The following PCDH15 variants were observed in gnomAD, a reference collection of about 807,000 sequenced individuals.
PCDH15 encodes the protein protocadherin related 15.
A neutral mutation model predicts 178.5 loss-of-function variants in PCDH15; 129 were observed. The observed-to-expected ratio is 0.72, with a 90% CI of 0.63 to 0.84. The LOEUF (loss-of-function observed/expected upper bound fraction) is 0.84. Among genes scored for constraint, PCDH15 ranks in the 40% least tolerant of loss-of-function variants. The pLI is 0.00. For synonymous variants in PCDH15, 800 were observed against 732.0 expected (o/e 1.09, Z -1.50); for missense variants, 2,230 against 2,099.9 (o/e 1.06, Z -1.21).
At chr10:54,105,279 T>TAG (rs1473525006) in intron 15 of PCDH15, among the ~76,000 whole-genome samples, 1 of 12,386 alleles carries the variant, frequency 8.1e-5, no homozygotes, top group Non-Finnish European at 1.4e-4. Flanking sequence ...TAGATGGAGA[T>TAG]ATATATATAT....
intron 20 of PCDH15, among the ~76,000 whole-genome samples, chr10:54,007,523 T>C (rs563587556): frequency 2.0e-5 from 3 of 152,290 alleles, no homozygotes; most frequent in South Asian, 4.1e-4. Flanking sequence ...CTTGTTACAT[T>C]GATGTTCTAT....
At chr10:54,832,446 A>G (rs1259144931) in intron 3 of PCDH15, among the ~76,000 whole-genome samples, 1 of 152,240 alleles carries the variant, frequency 6.6e-6, no homozygotes, top group African/African-American at 2.4e-5. Flanking sequence ...TGAAAACACT[A>G]GATGTAGTAA....
intron 27 of PCDH15, among the ~76,000 whole-genome samples, chr10:53,864,500 T>G (rs1340468883): frequency 6.6e-6 from 1 of 152,138 alleles, no homozygotes; most frequent in African/African-American, 2.4e-5. Flanking sequence ...TTCATTTGCT[T>G]AGGGCATCAA....
chr10:54,962,423 C>T (rs1838680032), intron 2 of PCDH15, among the ~76,000 whole-genome samples: 1 of 151,898 alleles, frequency 6.6e-6, no homozygotes, highest in Non-Finnish European at 1.5e-5. Context: ...CCATTTGCCA[C>T]ACAACAGGCG....
chr10:54,814,414 TA>T (rs1277293273), intron 3 of PCDH15, among the ~76,000 whole-genome samples: 1 of 152,108 alleles, frequency 6.6e-6, no homozygotes, highest in African/African-American at 2.4e-5. Flanking sequence ...TAAAAATTAA[TA>T]AAAAAGTATG....
At chr10:54,188,154 A>G (rs1434034446) in intron 11 of PCDH15, among the ~76,000 whole-genome samples, 1 of 151,900 alleles carries the variant, frequency 6.6e-6, no homozygotes, top group African/African-American at 2.4e-5. Context: ...TTGAAGTCAA[A>G]TATCCTTCTC....
chr10:54,167,200 C>A (rs1302515753), intron 13 of PCDH15, among the ~76,000 whole-genome samples: 2 of 152,104 alleles, frequency 1.3e-5, no homozygotes, highest in Non-Finnish European at 2.9e-5. Context: ...TCTTTGCTCC[C>A]TGAGAAAGAT....
At chr10:54,922,734 G>A (rs1313943614) in intron 2 of PCDH15, among the ~76,000 whole-genome samples, 1 of 152,166 alleles carries the variant, frequency 6.6e-6, no homozygotes, top group Non-Finnish European at 1.5e-5. Flanking sequence ...AATGATGTAA[G>A]GGTGAGCTCC....
chr10:55,056,074 G>T (rs539775978), intron 2 of PCDH15, among the ~76,000 whole-genome samples: 1 of 152,128 alleles, frequency 6.6e-6, no homozygotes, highest in African/African-American at 2.4e-5. Context: ...CCTCCTAAAT[G>T]CTTCTACTTT....
At chr10:55,041,689 G>T (rs952555672) in intron 2 of PCDH15, among the ~76,000 whole-genome samples, 1 of 151,962 alleles carries the variant, frequency 6.6e-6, no homozygotes, top group African/African-American at 2.4e-5. Flanking sequence ...AAACTATTTT[G>T]TCTAATAACT....
intron 2 of PCDH15, among the ~76,000 whole-genome samples, chr10:55,439,881 A>G (rs1839138787): frequency 1.3e-5 from 2 of 152,160 alleles, no homozygotes; most frequent in African/African-American, 4.8e-5. Context: ...AAAAAAGTAA[A>G]ATAAAACTCT....
chr10:55,535,332 A>G (rs1841550524), intron 2 of PCDH15, among the ~76,000 whole-genome samples: 2 of 152,138 alleles, frequency 1.3e-5, no homozygotes, highest in African/African-American at 4.8e-5. Context: ...AGAAATTTAA[A>G]AAATGTGAGA....
intron 8 of PCDH15, among the ~76,000 whole-genome samples, chr10:54,316,750 T>C (rs1331142956): frequency 6.6e-6 from 1 of 152,178 alleles, no homozygotes; most frequent in Non-Finnish European, 1.5e-5. Flanking sequence ...CAGGATTAAG[T>C]GTAGAAAATA....
At chr10:54,854,806 C>T (rs1402144885) in intron 3 of PCDH15, among the ~76,000 whole-genome samples, 1 of 152,172 alleles carries the variant, frequency 6.6e-6, no homozygotes, top group Non-Finnish European at 1.5e-5. Context: ...AACAAGCCCC[C>T]ACTCTGGTCT....
At chr10:55,488,597 A>C (rs1447513761) in intron 2 of PCDH15, among the ~76,000 whole-genome samples, 2 of 151,556 alleles carry the variant, frequency 1.3e-5, no homozygotes, top group Non-Finnish European at 3.0e-5. Context: ...TAAGTATTAA[A>C]TTACATATAT....
At chr10:54,776,696 T>C (rs57331675) in intron 1 of PCDH15, among the ~76,000 whole-genome samples, 2 of 152,320 alleles carry the variant, frequency 1.3e-5, no homozygotes, top group African/African-American at 4.8e-5. Flanking sequence ...GTTTAAAATA[T>C]TACTACAAGT....
At chr10:54,275,521 A>G (rs1731522376) in intron 8 of PCDH15, among the ~76,000 whole-genome samples, 1 of 151,852 alleles carries the variant, frequency 6.6e-6, no homozygotes, top group Admixed American at 6.6e-5. Flanking sequence ...TTAAATGATC[A>G]AGAACTTGAA....
intron 18 of PCDH15, among the ~76,000 whole-genome samples, chr10:54,024,779 G>A (rs1365125109): frequency 2.0e-5 from 3 of 152,062 alleles, no homozygotes; most frequent in South Asian, 2.1e-4. Context: ...TTTGTCTTAC[G>A]AATTATTGAC....
intron 2 of PCDH15, among the ~76,000 whole-genome samples, chr10:54,986,369 G>C (rs1026531350): frequency 6.6e-6 from 1 of 151,708 alleles, no homozygotes; most frequent in African/African-American, 2.4e-5. Flanking sequence ...ACATATATCT[G>C]GAAAAGTACA....
Sources: gnomAD v4.1 joint callset for allele counts (sites outside exome capture counted in the v4.1 genomes callset) on GRCh38, gnomAD v4.1.1 for gene constraint, MANE v1.5 for transcripts, NCBI Gene and HGNC (gene_info 2026-07-23, HGNC 2026-07-21) for gene names.